The following TOR1AIP1 variants were observed in gnomAD, a reference collection of about 807,000 sequenced individuals.
TOR1AIP1 encodes torsin-1A-interacting protein 1.
In TOR1AIP1, 54 loss-of-function variants were observed where a neutral mutation model predicts 63.3. The observed-to-expected ratio is 0.85, with a 90% CI of 0.69 to 1.07. The LOEUF (loss-of-function observed/expected upper bound fraction) is 1.07. TOR1AIP1 is among the 50% of genes least tolerant of loss of function. TOR1AIP1 has a pLI of 0.00. For missense variants in TOR1AIP1, 736 were observed against 715.0 expected (o/e 1.03, Z -0.33); for synonymous variants, 294 against 273.5 (o/e 1.07, Z -0.74).
rs1366999572 is a variant in TOR1AIP1, at chr1:179,882,859, C to T, written c.357C>T (p.Thr119=). 4 of 1,614,096 alleles carry T rather than the reference C, an allele frequency of 2.5e-6. No homozygotes were observed. The highest frequency in any genetic ancestry group is 4.5e-5 in the East Asian group (2 of 44,898). The change falls in exon 1 of 10, where the codon ACC becomes ACT. Residue 119 remains threonine (T), a synonymous_variant. Coordinates refer to ENST00000606911, the MANE Select transcript of TOR1AIP1 (RefSeq NM_015602.4). ...RQRRQPRPQE[T]EEMKTRRTTR... Reference sequence around the variant, plus strand: ...GGAGGCAGCCGCGACCCCAGGAAACCGAGGAAATGAAGACGCGAAGGACTA... The same window carrying T: ...GGAGGCAGCCGCGACCCCAGGAAACTGAGGAAATGAAGACGCGAAGGACTA...
At chr1:179,898,456 GAATA>G (rs1207079179) in intron 3 of TOR1AIP1, among the ~76,000 whole-genome samples, 1 of 152,040 alleles carries the variant, frequency 6.6e-6, no homozygotes, top group Non-Finnish European at 1.5e-5. Context: ...TTACATAAAT[GAATA>G]AAGTAAAACT....
intron 3 of TOR1AIP1, among the ~76,000 whole-genome samples, chr1:179,897,274 G>GC (rs1436472386): frequency 1.3e-5 from 2 of 152,118 alleles, no homozygotes; most frequent in African/African-American, 4.8e-5. Flanking sequence ...CAAATGGGGA[G>GC]CTCCCTTATG....
chr1:179,897,852 C>CT lies in TOR1AIP1; in HGVS notation c.611-2271dup, dbSNP rs1194028038. ...GTGGCTCATACCTGTAATGCCAGCA[C>CT]TTTGGGAGGCTGAGGCAGGCAGATT... On this transcript the variant is annotated intron_variant, in intron 3 of 9. Coordinates refer to ENST00000606911, the MANE Select transcript of TOR1AIP1 (RefSeq NM_015602.4). Among the ~76,000 whole-genome samples, 4 of 152,128 alleles carry CT rather than the reference C, an allele frequency of 2.6e-5. No homozygotes were observed. In the East Asian group the frequency reaches 7.7e-4, roughly 29 times the overall value.
rs1647743624 is a variant in TOR1AIP1 at position 179,882,601 on chromosome 1, C to T, written c.99C>T (p.Ala33=). The T allele has an allele frequency of 1.3e-6, 2 of 1,527,302 alleles. No homozygotes were observed. The highest frequency in any genetic ancestry group is 1.3e-5 in the South Asian group (1 of 76,434). 94.6% of individuals were successfully genotyped at this position (1,527,302 alleles called of 1,614,324 possible). The change falls in exon 1 of 10, where the codon GCC becomes GCT. Residue 33 remains alanine (A), a synonymous_variant. Transcript: ENST00000606911. ...TCCGAGAGGGAAGGGGCCGGCTCGC[C>T]CCTCAAAATGGCGGCAGCAGCGATG... ...APIREGRGRL[A]PQNGGSSDAP... is the part of the protein sequence containing the mutation.
Position 179,907,803 on chromosome 1 carries a change from A to C in TOR1AIP1, c.797-20A>C, listed in dbSNP as rs1398604268. 2 of 1,582,642 alleles carry C rather than the reference A, an allele frequency of 1.3e-6. No individual in the cohort carries two copies. The highest frequency in any genetic ancestry group is 1.7e-6 in the Non-Finnish European group (2 of 1,163,160). ...TTATTTTCAAGTATTCTATGACCTT[A>C]TCCCTGTTTTCTGTTTCAGGTCAAA... is the stretch of plus-strand genomic sequence containing the variant. On this transcript the variant is annotated intron_variant, in intron 6 of 9. Transcript: ENST00000606911.
Position 179,919,585 on chromosome 1 carries a change from T to C in TOR1AIP1, c.*1346T>C, listed in dbSNP as rs1448763305. On this transcript the variant is annotated 3_prime_UTR_variant, in exon 10 of 10. Coordinates refer to ENST00000606911, the MANE Select transcript of TOR1AIP1 (RefSeq NM_015602.4). Reference sequence around the variant, plus strand: ...AGTAGTTTAGTTATAACTTTGCATCTATAATTGAGCTTTCTCATCTGTCAA... The same window carrying C: ...AGTAGTTTAGTTATAACTTTGCATCCATAATTGAGCTTTCTCATCTGTCAA... The C allele has an allele frequency of 6.6e-6, 1 of 152,250 alleles. No homozygotes were observed. Among genetic ancestry groups the C allele is most frequent in the African/African-American group, 2.4e-5 (1 of 41,466 alleles). 9.4% of individuals were successfully genotyped at this position (152,250 alleles called of 1,614,324 possible).
At chr1:179,898,462 AG>A (rs1258967791) in intron 3 of TOR1AIP1, among the ~76,000 whole-genome samples, 1 of 152,234 alleles carries the variant, frequency 6.6e-6, no homozygotes, top group Non-Finnish European at 1.5e-5. Flanking sequence ...AAATGAATAA[AG>A]TAAAACTGCT....
chr1:179,901,346 A>G lies in TOR1AIP1; in HGVS notation c.697A>G (p.Thr233Ala). 1 of 1,611,176 alleles carries G rather than the reference A, an allele frequency of 6.2e-7. No individual in the cohort carries two copies. The highest frequency in any genetic ancestry group is 8.5e-7 in the Non-Finnish European group (1 of 1,178,330). Residue 233 changes from threonine (T) to alanine (A), a missense_variant, in exon 5 of 10, where the codon ACT becomes GCT. By Grantham distance (58) the Thr-to-Ala change is moderately conservative. Around this residue, in one of 2 missense-constraint regions of TOR1AIP1, gnomAD observed 464 missense variants for 371.0 expected, o/e 1.25. Transcript: ENST00000606911. ...DDQDSSHSSV[T>A]TVKARSRDSD... ...TCAAGACAGCTCTCACAGCAGTGTCACTACTGTTAAGGCCAGATCCAGGGA... is the reference window on the plus strand; with the variant it reads ...TCAAGACAGCTCTCACAGCAGTGTCGCTACTGTTAAGGCCAGATCCAGGGA...
chr1:179,911,383 A>G (rs1016549955), intron 8 of TOR1AIP1, among the ~76,000 whole-genome samples: 2 of 152,232 alleles, frequency 1.3e-5, no homozygotes, highest in African/African-American at 4.8e-5. Flanking sequence ...TGAGTGTTCA[A>G]GAACCTTAGG....
chr1:179,890,792 G>A (rs1365930161), intron 3 of TOR1AIP1, among the ~76,000 whole-genome samples: 1 of 152,038 alleles, frequency 6.6e-6, no homozygotes, highest in Non-Finnish European at 1.5e-5. Context: ...GCTGATTCCT[G>A]TGTTTTTTAT....
chr1:179,912,785 T>G (rs1648880559), intron 8 of TOR1AIP1, among the ~76,000 whole-genome samples: 1 of 152,142 alleles, frequency 6.6e-6, no homozygotes, highest in Non-Finnish European at 1.5e-5. Context: ...CATTATGGAG[T>G]TTTTTGTCAT....
Position 179,917,603 on chromosome 1 carries a change from G to C in TOR1AIP1, c.1116G>C (p.Met372Ile). 1 of 1,614,122 alleles carries C rather than the reference G, an allele frequency of 6.2e-7. No homozygotes were observed. The highest frequency in any genetic ancestry group is 8.5e-7 in the Non-Finnish European group (1 of 1,180,044). The stretch of plus-strand genomic sequence containing the variant: ...CTGTTCAAGAGTTCCAGAACCAGAT[G>C]AATCAACTTAAGAATAAGTACCAAG... ...TTAVQEFQNQMNQLKNKYQGQ... is the reference protein window; with the variant it reads ...TTAVQEFQNQINQLKNKYQGQ... The change falls in exon 10 of 10, where the codon ATG becomes ATC. Residue 372 changes from methionine to isoleucine, a missense_variant. Transcript: ENST00000606911.
chr1:179,919,980 G>A lies in TOR1AIP1; in HGVS notation c.*1741G>A, dbSNP rs1243719589. 6.6e-6 allele frequency: 1 copy of A among 152,152 alleles called. No homozygotes were observed. Among genetic ancestry groups the A allele is most frequent in the Non-Finnish European group, 1.5e-5 (1 of 68,028 alleles). The allele number at this position is 152,152 out of a possible 1,614,324, so 9.4% of individuals were successfully genotyped here. On this transcript the variant is annotated 3_prime_UTR_variant, in exon 10 of 10. Coordinates refer to ENST00000606911, the MANE Select transcript of TOR1AIP1 (RefSeq NM_015602.4). ...AATTTAAAAGTAATATGTTACCTAT[G>A]TCTTTCAGGAAAAATAATTATAGCA...
At chr1:179,895,145 C>T (rs1391243550) in intron 3 of TOR1AIP1, among the ~76,000 whole-genome samples, 2 of 152,126 alleles carry the variant, frequency 1.3e-5, no homozygotes, top group Non-Finnish European at 2.9e-5. Flanking sequence ...AAATATAACA[C>T]CTTCTTAAAC....
At chr1:179,914,310 T>G (rs1395242549) in intron 9 of TOR1AIP1, among the ~76,000 whole-genome samples, 1 of 152,230 alleles carries the variant, frequency 6.6e-6, no homozygotes, top group African/African-American at 2.4e-5. Flanking sequence ...GTAAAGCTAC[T>G]AATACTGTTA....
At chr1:179,905,220 T>G in intron 6 of TOR1AIP1, among the ~76,000 whole-genome samples, 1 of 151,252 alleles carries the variant, frequency 6.6e-6, no homozygotes. Context: ...ACTAAAAATA[T>G]AAAAATTAGC....
chr1:179,903,728 C>CA lies in TOR1AIP1; in HGVS notation c.740-236dup, dbSNP rs577468900. Reference sequence around the variant, plus strand: ...TTCACCACGTTGGCCAGGATGGTCTCAATCTCCTGACCTCAGGTGATCCGC... The same window carrying CA: ...TTCACCACGTTGGCCAGGATGGTCTCAAATCTCCTGACCTCAGGTGATCCGC... On this transcript the variant is annotated intron_variant, in intron 5 of 9. Transcript: ENST00000606911. Among the ~76,000 whole-genome samples the CA allele has an allele frequency of 4.2e-3, 644 of 152,274 alleles. 5 individuals carry two copies. Among genetic ancestry groups the CA allele is most frequent in the African/African-American group, 0.014 (601 of 41,562 alleles).
chr1:179,909,395 TTTGTTTTGTTTTG>T (rs1648758044), intron 8 of TOR1AIP1, among the ~76,000 whole-genome samples: 1 of 115,532 alleles, frequency 8.7e-6, no homozygotes, highest in Non-Finnish European at 2.0e-5. Flanking sequence ...TTTGTTTTGT[TTTGTTTTGTTTTG>T]TTTTGTTTTG....
Position 179,882,906 on chromosome 1 carries a change from C to CA in TOR1AIP1, c.405dup (p.Glu136ArgfsTer23). The CA allele has an allele frequency of 6.2e-7, 1 of 1,614,078 alleles. No individual in the cohort carries two copies. Among genetic ancestry groups the CA allele is most frequent in the East Asian group, 2.2e-5 (1 of 44,882 alleles). On this transcript the variant is annotated frameshift_variant, in exon 1 of 10. Coordinates refer to ENST00000606911, the MANE Select transcript of TOR1AIP1 (RefSeq NM_015602.4). LOFTEE classifies it high-confidence loss of function. The stretch of plus-strand genomic sequence containing the variant: ...ACTACCCGCCTTCAGCAGCAGCACT[C>CA]AGAGCAGCCTCCGCTACAGCCGTCT...
Sources: allele counts gnomAD v4.1 joint callset (sites outside exome capture counted in the v4.1 genomes callset), GRCh38; gene constraint gnomAD v4.1.1; regional missense constraint gnomAD v4.1.1; transcripts MANE v1.5; gene names NCBI Gene and HGNC (gene_info 2026-07-23, HGNC 2026-07-21).